DLG1: variants seen among roughly 807,000 people sequenced by gnomAD.
The protein encoded by DLG1 is disks large homolog 1.
A neutral mutation model predicts 123.4 loss-of-function variants in DLG1; 42 were observed. The ratio of observed to expected loss-of-function variants is 0.34; its 90% CI spans 0.27 to 0.44. The LOEUF is 0.44. Among genes scored for constraint, DLG1 ranks in the 20% least tolerant of loss-of-function variants. The pLI is 1.00. For synonymous variants in DLG1, 317 were observed against 356.2 expected (o/e 0.89, Z 1.24); for missense variants, 942 against 1,082.6 (o/e 0.87, Z 1.82).
intron 4 of DLG1, among the ~76,000 whole-genome samples, chr3:197,235,606 A>C (rs1745567836): frequency 6.6e-6 from 1 of 152,230 alleles, no homozygotes; most frequent in Non-Finnish European, 1.5e-5. Flanking sequence ...TCCAACTTTT[A>C]AAAAGCTTTA....
intron 11 of DLG1, among the ~76,000 whole-genome samples, chr3:197,126,849 T>C (rs544754657): frequency 5.5e-4 from 84 of 152,336 alleles, no homozygotes; most frequent in African/African-American, 2.0e-3. Context: ...CAAAATGTCA[T>C]GTTTTTAACT....
intron 4 of DLG1, among the ~76,000 whole-genome samples, chr3:197,249,275 T>C (rs1386180004): frequency 6.6e-6 from 1 of 151,876 alleles, no homozygotes; most frequent in African/African-American, 2.4e-5. Context: ...TATGAACAAC[T>C]ATATGCCAAC....
chr3:197,285,852 G>A (rs1404114397), intron 3 of DLG1, among the ~76,000 whole-genome samples: 1 of 152,154 alleles, frequency 6.6e-6, no homozygotes, highest in Non-Finnish European at 1.5e-5. Flanking sequence ...TACTATATAT[G>A]CTCCAGCAAT....
At chr3:197,290,791 A>G (rs1018965507) in intron 3 of DLG1, among the ~76,000 whole-genome samples, 1 of 151,454 alleles carries the variant, frequency 6.6e-6, no homozygotes, top group Non-Finnish European at 1.5e-5. Context: ...CCAGCTACTC[A>G]GGAGCCTGAG....
chr3:197,114,845 T>C (rs1019142294), intron 13 of DLG1, among the ~76,000 whole-genome samples: 1 of 151,886 alleles, frequency 6.6e-6, no homozygotes. Context: ...CCAGGCGTGG[T>C]GGCGGGTGCC....
chr3:197,250,089 A>C lies in DLG1; in HGVS notation c.318+32590T>G, dbSNP rs941595996. 3.9e-5 allele frequency among the ~76,000 whole-genome samples: 6 copies of C among 152,206 alleles called. No homozygotes were observed. The East Asian group carries it at 1.2e-3, about 29-fold the overall frequency. Reference sequence around the variant, plus strand: ...AAAACAAAGAAATAAAGGGCACCAAAATTGAAAAGGAAGAAGTCAAATTAG... The same window carrying C: ...AAAACAAAGAAATAAAGGGCACCAACATTGAAAAGGAAGAAGTCAAATTAG... On this transcript the variant is annotated intron_variant, in intron 4 of 24. Coordinates refer to ENST00000667157, the MANE Select transcript of DLG1 (RefSeq NM_001366207.1).
At chr3:197,221,087 C>G (rs1736735386) in intron 4 of DLG1, among the ~76,000 whole-genome samples, 1 of 152,184 alleles carries the variant, frequency 6.6e-6, no homozygotes, top group East Asian at 1.9e-4. Flanking sequence ...TGAACTGTTT[C>G]AAGGAAACCT....
intron 5 of DLG1, among the ~76,000 whole-genome samples, chr3:197,185,438 C>T (rs1715334470): frequency 6.6e-6 from 1 of 152,140 alleles, no homozygotes; most frequent in African/African-American, 2.4e-5. Context: ...AGAGATTATA[C>T]CAGAAAGTTT....
rs1046852549 is a variant in DLG1, at chr3:197,110,149, C to T, written c.1444-5144G>A. ...GTAAATTTGATAGTATCCCATAGGT[C>T]TCTGAAGCTGTTAATTTTTCTTCAT... On this transcript the variant is annotated intron_variant, in intron 13 of 24. Coordinates refer to ENST00000667157, the MANE Select transcript of DLG1 (RefSeq NM_001366207.1). Among the ~76,000 whole-genome samples, 4 of 152,256 alleles carry T rather than the reference C, an allele frequency of 2.6e-5. No homozygotes were observed. In the East Asian group the frequency reaches 7.7e-4, roughly 29 times the overall value.
chr3:197,296,552 C>T (rs1777433169), intron 2 of DLG1, 75 bp from the exon 3 acceptor site: 2 of 1,350,636 alleles, frequency 1.5e-6, no homozygotes, highest in Admixed American at 3.4e-5. Context: ...GCAAATAATT[C>T]TGCATGACAT....
At chr3:197,155,045 T>A (rs1795753512) in intron 5 of DLG1, among the ~76,000 whole-genome samples, 1 of 152,150 alleles carries the variant, frequency 6.6e-6, no homozygotes, top group South Asian at 2.1e-4. Context: ...CTTCTCAGAT[T>A]TCATGAAACA....
At chr3:197,256,619 G>A (rs1346619044) in intron 4 of DLG1, among the ~76,000 whole-genome samples, 3 of 152,108 alleles carry the variant, frequency 2.0e-5, no homozygotes, top group Non-Finnish European at 4.4e-5. Flanking sequence ...TTTTTTACAT[G>A]TAAAACATAA....
chr3:197,085,420 T>C (rs76509927), intron 16 of DLG1, 160 bp downstream of exon 16: 39,224 of 697,814 alleles, frequency 0.056, 1,251 homozygotes, highest in South Asian at 0.081. Context: ...AGATTTCACA[T>C]AAAAATGTGA....
At chr3:197,126,283 C>G (rs1222842153) in intron 11 of DLG1, among the ~76,000 whole-genome samples, 3 of 151,968 alleles carry the variant, frequency 2.0e-5, no homozygotes, top group African/African-American at 7.3e-5. Flanking sequence ...CGAGACCAGC[C>G]TGACCAAACA....
chr3:197,044,828 T>A (rs1721786533), intron 24 of DLG1, 99 bp from the exon 25 acceptor site: 2 of 646,306 alleles, frequency 3.1e-6, no homozygotes, highest in Non-Finnish European at 4.9e-6. Flanking sequence ...TTTGAAAAAG[T>A]TACTCATCCA....
chr3:197,101,927 A>C (rs1763699309), intron 14 of DLG1, among the ~76,000 whole-genome samples: 1 of 152,032 alleles, frequency 6.6e-6, no homozygotes, highest in African/African-American at 2.4e-5. Flanking sequence ...AAAACTTTAA[A>C]AAAAGTTTTA....
chr3:197,222,431 TGTTA>T (rs1160233275), intron 4 of DLG1, among the ~76,000 whole-genome samples: 2 of 152,190 alleles, frequency 1.3e-5, no homozygotes, highest in Non-Finnish European at 2.9e-5. Context: ...TTAAAGTCAT[TGTTA>T]GTTTAGTATT....
intron 4 of DLG1, among the ~76,000 whole-genome samples, chr3:197,245,548 C>T (rs1019014398): frequency 3.9e-5 from 6 of 152,092 alleles, no homozygotes; most frequent in Non-Finnish European, 7.4e-5. Context: ...TCCTATACAT[C>T]CATAGACTTT....
intron 3 of DLG1, among the ~76,000 whole-genome samples, chr3:197,292,985 C>T (rs1182835605): frequency 1.3e-5 from 2 of 152,162 alleles, no homozygotes; most frequent in African/African-American, 4.8e-5. Context: ...TCAGATCCCA[C>T]ACACCTTAGA....
Sources: gnomAD v4.1 joint callset for allele counts (sites outside exome capture counted in the v4.1 genomes callset) on GRCh38, gnomAD v4.1.1 for gene constraint, MANE v1.5 for transcripts, NCBI Gene and HGNC (gene_info 2026-07-23, HGNC 2026-07-21) for gene names.